The following C7 variants were observed in gnomAD, a reference collection of about 807,000 sequenced individuals.
C7 encodes the protein complement component C7.
Under a neutral mutation model 104.8 loss-of-function variants are expected in C7, and 83 were observed. The ratio of observed to expected loss-of-function variants is 0.79; its 90% confidence interval spans 0.66 to 0.95. The LOEUF (loss-of-function observed/expected upper bound fraction) is 0.95, where lower values mean the gene tolerates loss of function less well. Among genes scored for constraint, C7 ranks in the 40% least tolerant of loss-of-function variants. The pLI, the probability that C7 is intolerant of heterozygous loss-of-function variation, is 0.00. For missense variants in C7, 1,070 were observed against 1,011.2 expected (o/e 1.06, Z -0.79); for synonymous variants, 415 against 360.6 (o/e 1.15, Z -1.71).
At position 40,959,629 on chromosome 5, in the gene C7, G is replaced by T; in HGVS notation, c.1661+9G>T. On this transcript the variant is annotated intron_variant, in intron 12 of 17. Coordinates refer to ENST00000313164, the MANE Select transcript of C7 (RefSeq NM_000587.4). ...GAGCTGGAGCACTTGAGGTAATGGA[G>T]ACCCGACCCCCTGGCAGTTGCATAG... The T allele has an allele frequency of 1.3e-6, 2 of 1,570,682 alleles. No homozygotes were observed. Among genetic ancestry groups the T allele is most frequent in the South Asian group, 1.2e-5 (1 of 83,854 alleles).
chr5:40,970,229 T>A (rs996559694), intron 14 of C7, among the ~76,000 whole-genome samples: 1 of 152,214 alleles, frequency 6.6e-6, no homozygotes, highest in Non-Finnish European at 1.5e-5. Context: ...TGTTTTTGAA[T>A]GAATAAATGA....
chr5:40,980,906 T>C (rs187863497), intron 17 of C7, among the ~76,000 whole-genome samples: 1 of 152,358 alleles, frequency 6.6e-6, no homozygotes, highest in East Asian at 1.9e-4. Flanking sequence ...ATTCCAACCA[T>C]GGACTTTCCA....
intron 7 of C7, among the ~76,000 whole-genome samples, chr5:40,946,923 T>G (rs1464308139): frequency 6.6e-6 from 1 of 151,492 alleles, no homozygotes; most frequent in Non-Finnish European, 1.5e-5. Context: ...CCAGGCATGG[T>G]GGTGCATGCC....
chr5:40,971,763 A>G (rs1016519326), intron 14 of C7, among the ~76,000 whole-genome samples: 2 of 152,080 alleles, frequency 1.3e-5, no homozygotes, highest in Non-Finnish European at 2.9e-5. Context: ...TAATTTTTGT[A>G]TAAGGTATAA....
chr5:40,972,652 G>A, intron 15 of C7, 58 bp downstream of exon 15: 1 of 1,408,220 alleles, frequency 7.1e-7, no homozygotes, highest in Non-Finnish European at 9.7e-7. Flanking sequence ...GAGAGTCCTT[G>A]TGGCGACCTT....
intron 10 of C7, among the ~76,000 whole-genome samples, chr5:40,957,286 A>G (rs968778283): frequency 7.9e-5 from 12 of 152,180 alleles, no homozygotes; most frequent in African/African-American, 2.9e-4. Flanking sequence ...TTTCTTCTGA[A>G]ATAGCCAACG....
chr5:40,979,580 G>T, intron 16 of C7, 145 bp from the exon 17 acceptor site: 1 of 595,468 alleles, frequency 1.7e-6, no homozygotes, highest in South Asian at 2.6e-5. Context: ...GGAATGAAGG[G>T]GATTTGAGTT....
chr5:40,921,892 G>T (rs1739445695), intron 1 of C7, among the ~76,000 whole-genome samples: 1 of 150,602 alleles, frequency 6.6e-6, no homozygotes, highest in South Asian at 2.1e-4. Flanking sequence ...ACAATAATCA[G>T]CCAGGCGTGG....
At position 40,972,589 on chromosome 5, in the gene C7, A is replaced by C. The variant is rs1283934494; in HGVS notation, c.2069A>C (p.Gln690Pro). Reference sequence around the variant, plus strand: ...GAGATGAAGAATGCCCGCTGTGTACAAAAAGGTGAGTGGCTTCCATGTCTA... The same window carrying C: ...GAGATGAAGAATGCCCGCTGTGTACCAAAAGGTGAGTGGCTTCCATGTCTA... ...SPEMKNARCV[Q>P]KENPLTQAVP... The change falls in exon 15 of 18, where the codon CAA (glutamine) becomes CCA (proline). Residue 690 changes from glutamine (Q) to proline (P), a missense_variant. Transcript: ENST00000313164. 5 of 1,592,380 alleles carry C rather than the reference A, an allele frequency of 3.1e-6. No homozygotes were observed. Among genetic ancestry groups the C allele is most frequent in the Non-Finnish European group, 4.3e-6 (5 of 1,170,206 alleles).
rs1311381353 is a variant in C7 at position 40,931,087 on chromosome 5, A to G, written c.86A>G (p.Gln29Arg). Residue 29 changes from glutamine (Q) to arginine (R), a missense_variant, in exon 3 of 18, where the codon CAG becomes CGG. Coordinates refer to ENST00000313164, the MANE Select transcript of C7 (RefSeq NM_000587.4). Reference protein sequence around the residue: ...FSSASSPVNCQWDFYAPWSEC... With the variant: ...FSSASSPVNCRWDFYAPWSEC... ...AGTGCCTCCTCTCCAGTCAACTGCC[A>G]GTGGGACTTCTATGCCCCTTGGTCA... 2 of 1,613,556 alleles carry G rather than the reference A, an allele frequency of 1.2e-6. No homozygotes were observed. The highest frequency in any genetic ancestry group is 2.2e-5 in the East Asian group (1 of 44,882).
chr5:40,946,473 A>G (rs11742894), intron 7 of C7, among the ~76,000 whole-genome samples: 11,392 of 152,310 alleles, frequency 0.075, 570 homozygotes, highest in Non-Finnish European at 0.11. Context: ...TTGTAAAAAC[A>G]TTTATTGTCT....
intron 9 of C7, among the ~76,000 whole-genome samples, chr5:40,952,491 T>TTTAC (rs1554043107): frequency 1.3e-5 from 2 of 151,488 alleles, no homozygotes; most frequent in Non-Finnish European, 2.9e-5. Context: ...TATTTATTTA[T>TTTAC]TTATTTATTT....
At chr5:40,970,151 C>G (rs1168817688) in intron 14 of C7, among the ~76,000 whole-genome samples, 1 of 152,096 alleles carries the variant, frequency 6.6e-6, no homozygotes, top group Non-Finnish European at 1.5e-5. Flanking sequence ...GGAGTATTAG[C>G]TCAATTTTGC....
chr5:40,931,724 T>C (rs1739688451), intron 3 of C7, among the ~76,000 whole-genome samples: 1 of 152,230 alleles, frequency 6.6e-6, no homozygotes, highest in Admixed American at 6.5e-5. Flanking sequence ...ATACAGAAAG[T>C]TATGAAGAAA....
chr5:40,979,980 T>G lies in C7; in HGVS notation c.2350+71T>G, dbSNP rs911724964. On this transcript the variant is annotated intron_variant, in intron 17 of 17. Coordinates refer to ENST00000313164, the MANE Select transcript of C7 (RefSeq NM_000587.4). ...AGTACTGAGGATTTAAAAAATGTGG[T>G]TTCTAGTTTAGCAGTGGGCCGAAGA... 2.9e-6 allele frequency: 4 copies of G among 1,389,790 alleles called. No homozygotes were observed. The African/African-American group carries it at 5.8e-5, about 20-fold the overall frequency. The allele number at this position is 1,389,790 out of a possible 1,614,324, so 86.1% of individuals were successfully genotyped here. A position where few individuals can be genotyped will look rare whatever the true frequency, so the allele number is the denominator to read the frequency against.
intron 14 of C7, among the ~76,000 whole-genome samples, chr5:40,968,872 A>G (rs1172334934): frequency 6.6e-6 from 1 of 151,486 alleles, no homozygotes; most frequent in Non-Finnish European, 1.5e-5. Context: ...TCAGTCTCCC[A>G]AAGTGCTGGG....
chr5:40,918,949 GAC>G (rs138558983), intron 1 of C7, among the ~76,000 whole-genome samples: 25,788 of 138,050 alleles, frequency 0.19, 2,374 homozygotes, highest in Non-Finnish European at 0.24. Flanking sequence ...GAATCTAACA[GAC>G]ACACACACAC....
rs1156859513 is a variant in C7 at position 40,938,798 on chromosome 5, A to C, written c.567+1108A>C. ...GTGAGTAGGTTTTGATCAACACAATACGTACTCATGCAAAACAGTTATGGC... is the reference window on the plus strand; with the variant it reads ...GTGAGTAGGTTTTGATCAACACAATCCGTACTCATGCAAAACAGTTATGGC... On this transcript the variant is annotated intron_variant, in intron 6 of 17. Transcript: ENST00000313164. Among the ~76,000 whole-genome samples, 5 of 152,262 alleles carry C rather than the reference A, an allele frequency of 3.3e-5. No individual in the cohort carries two copies. The South Asian group carries it at 8.3e-4, about 25-fold the overall frequency.
intron 1 of C7, among the ~76,000 whole-genome samples, chr5:40,913,826 C>T (rs1306898611): frequency 6.6e-6 from 1 of 151,992 alleles, no homozygotes; most frequent in Non-Finnish European, 1.5e-5. Context: ...ACTACAGGTG[C>T]GTGCCAACAT....
Sources: allele counts gnomAD v4.1 joint callset (sites outside exome capture counted in the v4.1 genomes callset), GRCh38; gene constraint gnomAD v4.1.1; transcripts MANE v1.5; gene names NCBI Gene and HGNC (gene_info 2026-07-23, HGNC 2026-07-21).